Variants in ADGRB3 observed in about 807,000 individuals in gnomAD.
ADGRB3 encodes brain-specific angiogenesis inhibitor 3.
In ADGRB3, 37 loss-of-function variants were observed where a neutral mutation model predicts 193.4. The ratio of observed to expected loss-of-function variants is 0.19; its 90% CI spans 0.15 to 0.25. ADGRB3 has a LOEUF of 0.25. Ranked by LOEUF, ADGRB3 falls within the 10% of genes least tolerant of loss-of-function variation. The probability of loss-of-function intolerance (pLI) is 1.00; values close to 1 mark genes in which losing one functional copy is unlikely to be tolerated. For missense variants in ADGRB3, 1,637 were observed against 1,852.9 expected, an observed-to-expected ratio of 0.88 and a Z score of 2.14; for synonymous variants, 690 against 644.2, an observed-to-expected ratio of 1.07 and a Z score of -1.08.
At chr6:69,204,686 A>C (rs1186412467) in intron 17 of ADGRB3, among the ~76,000 whole-genome samples, 1 of 152,194 alleles carries the variant, frequency 6.6e-6, no homozygotes, top group Non-Finnish European at 1.5e-5. Context: ...CTTATTTTTT[A>C]CAAAACATTT....
rs530888637 is a variant in ADGRB3, at chr6:69,186,137, G to A, written c.2481-47153G>A. Among the ~76,000 whole-genome samples the A allele has an allele frequency of 4.8e-5, 7 of 146,094 alleles. No individual in the cohort carries two copies. In the East Asian group the frequency reaches 1.4e-3, roughly 29 times the overall value. On this transcript the variant is annotated intron_variant, in intron 17 of 31. Transcript: ENST00000370598. ...AAAGAAACTGGGTATTCTCCTTTGG[G>A]CATTCAAGTAACTTTTCAAATATGC... is the stretch of plus-strand genomic sequence containing the variant.
intron 24 of ADGRB3, among the ~76,000 whole-genome samples, chr6:69,334,197 C>T (rs1339761235): frequency 6.6e-6 from 1 of 151,704 alleles, no homozygotes; most frequent in Non-Finnish European, 1.5e-5. Context: ...TGAACTGTAA[C>T]CTCATTCAAA....
intron 3 of ADGRB3, among the ~76,000 whole-genome samples, chr6:68,844,274 C>A (rs62418576): frequency 0.022 from 3,271 of 151,910 alleles, 56 homozygotes; most frequent in Non-Finnish European, 0.033. Flanking sequence ...GCAAACTAAC[C>A]ATCTCACAAA....
chr6:68,792,991 T>G (rs1767139354), intron 3 of ADGRB3, among the ~76,000 whole-genome samples: 1 of 152,196 alleles, frequency 6.6e-6, no homozygotes, highest in South Asian at 2.1e-4. Context: ...GTTTGTCTGT[T>G]TTTTCGGCAC....
At chr6:68,890,264 C>A (rs1191952458) in intron 3 of ADGRB3, among the ~76,000 whole-genome samples, 2 of 152,158 alleles carry the variant, frequency 1.3e-5, no homozygotes, top group African/African-American at 4.8e-5. Flanking sequence ...CAGGTAAGTA[C>A]AATCACTTGA....
chr6:68,752,536 G>A (rs1766220069), intron 3 of ADGRB3, among the ~76,000 whole-genome samples: 2 of 152,124 alleles, frequency 1.3e-5, no homozygotes, highest in African/African-American at 2.4e-5. Flanking sequence ...GCCTCCCAAA[G>A]TGCTGGGATT....
chr6:69,223,077 A>C (rs1271822737), intron 17 of ADGRB3, among the ~76,000 whole-genome samples: 5 of 152,096 alleles, frequency 3.3e-5, no homozygotes, highest in African/African-American at 4.8e-5. Flanking sequence ...TGAGTTCCCA[A>C]CTTGCACATA....
chr6:69,320,539 C>A (rs2127306010), intron 20 of ADGRB3, among the ~76,000 whole-genome samples: 1 of 151,536 alleles, frequency 6.6e-6, no homozygotes, highest in East Asian at 1.9e-4. Context: ...TAATTAACTT[C>A]AAAATTTCTT....
chr6:69,116,249 A>G (rs145571670), intron 17 of ADGRB3, among the ~76,000 whole-genome samples: 7 of 152,188 alleles, frequency 4.6e-5, no homozygotes, highest in Non-Finnish European at 8.8e-5. Context: ...TGTTAACCAC[A>G]TCTCCAAAAC....
intron 3 of ADGRB3, among the ~76,000 whole-genome samples, chr6:68,696,948 T>G (rs1400203522): frequency 6.6e-6 from 1 of 152,150 alleles, no homozygotes; most frequent in Non-Finnish European, 1.5e-5. Context: ...GTGGTACTTC[T>G]TACTCTTAGA....
At chr6:69,071,532 G>T (rs952971151) in intron 16 of ADGRB3, among the ~76,000 whole-genome samples, 1 of 152,118 alleles carries the variant, frequency 6.6e-6, no homozygotes, top group Non-Finnish European at 1.5e-5. Flanking sequence ...TTGAGCAGTG[G>T]TGCATTTTTT....
chr6:69,073,881 T>A (rs1772151168), intron 16 of ADGRB3, among the ~76,000 whole-genome samples: 1 of 152,154 alleles, frequency 6.6e-6, no homozygotes, highest in Non-Finnish European at 1.5e-5. Flanking sequence ...TCCGCCCCAG[T>A]CTTTCATCTG....
chr6:69,204,201 A>T (rs1765489458), intron 17 of ADGRB3, among the ~76,000 whole-genome samples: 1 of 152,204 alleles, frequency 6.6e-6, no homozygotes, highest in African/African-American at 2.4e-5. Context: ...GTAAAATATA[A>T]AAAGCCCAAA....
chr6:69,140,798 A>G (rs1007409774), intron 17 of ADGRB3, among the ~76,000 whole-genome samples: 2 of 152,176 alleles, frequency 1.3e-5, no homozygotes, highest in African/African-American at 4.8e-5. Context: ...CCCACAAAAA[A>G]TAAAAATCAA....
chr6:69,259,422 G>A (rs568178035), intron 20 of ADGRB3, among the ~76,000 whole-genome samples: 4 of 152,252 alleles, frequency 2.6e-5, no homozygotes, highest in East Asian at 1.9e-4. Flanking sequence ...TGGGCTGGGC[G>A]CGGTGGCTCA....
At chr6:68,710,769 A>C (rs182776453) in intron 3 of ADGRB3, among the ~76,000 whole-genome samples, 1 of 152,078 alleles carries the variant, frequency 6.6e-6, no homozygotes, top group African/African-American at 2.4e-5. Context: ...GGGGATTCCT[A>C]TTAGCCCAGT....
At chr6:68,771,218 A>G (rs905292920) in intron 3 of ADGRB3, among the ~76,000 whole-genome samples, 1 of 152,144 alleles carries the variant, frequency 6.6e-6, no homozygotes, top group African/African-American at 2.4e-5. Context: ...CTACAAAAAC[A>G]AAATTATTGA....
chr6:68,900,302 C>A (rs1485230338), intron 3 of ADGRB3, among the ~76,000 whole-genome samples: 1 of 152,018 alleles, frequency 6.6e-6, no homozygotes, highest in Non-Finnish European at 1.5e-5. Context: ...TGCTTACATA[C>A]AGTTGTTATA....
chr6:69,192,389 A>G (rs954940638), intron 17 of ADGRB3, among the ~76,000 whole-genome samples: 2 of 152,076 alleles, frequency 1.3e-5, no homozygotes, highest in African/African-American at 4.8e-5. Flanking sequence ...TTCTGGCCAC[A>G]CTGGCAGCTG....
Sources: gnomAD v4.1 joint callset for allele counts (sites outside exome capture counted in the v4.1 genomes callset) on GRCh38, gnomAD v4.1.1 for gene constraint, MANE v1.5 for transcripts, NCBI Gene and HGNC (gene_info 2026-07-23, HGNC 2026-07-21) for gene names.